DLC1: variants seen among roughly 807,000 people sequenced by gnomAD.
DLC1 encodes the protein DLC1 Rho GTPase activating protein.
DLC1 carries 54 observed loss-of-function variants against 140.3 expected under a neutral mutation model. That is an observed-to-expected ratio of 0.38 (90% CI 0.31 to 0.48). The LOEUF is 0.48. Ranked by LOEUF, DLC1 falls within the 20% of genes least tolerant of loss-of-function variation. The probability of loss-of-function intolerance (pLI) is 0.96; values close to 1 mark genes in which losing one functional copy is unlikely to be tolerated. For synonymous variants in DLC1, 986 were observed against 728.1 expected, an observed-to-expected ratio of 1.35 and a Z score of -5.70; for missense variants, 2,536 against 1,907.0, an observed-to-expected ratio of 1.33 and a Z score of -6.14.
chr8:13,572,256 A>G (rs1354792214), intron 1 of DLC1, among the ~76,000 whole-genome samples: 2 of 151,610 alleles, frequency 1.3e-5, no homozygotes, highest in Non-Finnish European at 2.9e-5. Context: ...CGCCCAGCTA[A>G]TTTTTTGTAT....
chr8:13,157,322 C>G (rs1018885703), intron 5 of DLC1, among the ~76,000 whole-genome samples: 1 of 151,986 alleles, frequency 6.6e-6, no homozygotes, highest in African/African-American at 2.4e-5. Flanking sequence ...AGAGAAAGTA[C>G]AGGAGCAAAA....
chr8:13,088,433 T>A (rs1817749314), intron 16 of DLC1, 54 bp downstream of exon 16: 1 of 1,567,232 alleles, frequency 6.4e-7, no homozygotes, highest in Admixed American at 1.7e-5. Flanking sequence ...CATATAGGCT[T>A]GGTTCATATA....
At chr8:13,154,658 C>T (rs963725520) in intron 5 of DLC1, among the ~76,000 whole-genome samples, 5 of 152,170 alleles carry the variant, frequency 3.3e-5, no homozygotes, top group Admixed American at 6.5e-5. Context: ...AGTGCAGCAG[C>T]GGGCTGAAGG....
intron 4 of DLC1, among the ~76,000 whole-genome samples, chr8:13,324,706 G>T (rs1261790857): frequency 6.6e-6 from 1 of 151,604 alleles, no homozygotes; most frequent in East Asian, 1.9e-4. Context: ...TTTTACTTAT[G>T]AAATATAAAA....
chr8:13,149,976 G>A (rs1823691363), intron 5 of DLC1, among the ~76,000 whole-genome samples: 1 of 152,200 alleles, frequency 6.6e-6, no homozygotes, highest in African/African-American at 2.4e-5. Context: ...GAAATAATAG[G>A]CGTTTCTCAA....
intron 12 of DLC1, among the ~76,000 whole-genome samples, chr8:13,094,148 C>G (rs1818309800): frequency 6.6e-6 from 1 of 152,192 alleles, no homozygotes; most frequent in Non-Finnish European, 1.5e-5. Flanking sequence ...CGTACCTGAT[C>G]TTTATCTGAC....
intron 4 of DLC1, among the ~76,000 whole-genome samples, chr8:13,362,005 G>A (rs549726130): frequency 1.4e-4 from 22 of 152,342 alleles, no homozygotes; most frequent in African/African-American, 5.3e-4. Flanking sequence ...AAATTCAAAA[G>A]TGGAGTCAAA....
chr8:13,100,979 T>A (rs1466701349), intron 8 of DLC1: 1 of 507,028 alleles, frequency 2.0e-6, no homozygotes, highest in African/African-American at 2.0e-5. Context: ...GATTCTGAAC[T>A]GCTGACCTCA....
rs540879143 is a variant in DLC1 at position 13,382,113 on chromosome 8, T to C, written c.1314+11440A>G. 3.3e-5 allele frequency among the ~76,000 whole-genome samples: 5 copies of C among 152,236 alleles called. No individual in the cohort carries two copies. In the South Asian group the frequency reaches 1.0e-3, roughly 32 times the overall value. On this transcript the variant is annotated intron_variant, in intron 4 of 17. Transcript: ENST00000276297. ...TTAGCAATATTGTTGTGTGTGGTAA[T>C]GTAGAAAGTAAAAAATGTACCTAAA...
Position 13,395,123 on chromosome 8 carries a change from TTC to T in DLC1, c.1174-1432_1174-1431del, listed in dbSNP as rs1275664682. Among the ~76,000 whole-genome samples, 4 of 11,808 alleles carry T rather than the reference TTC, an allele frequency of 3.4e-4. No homozygotes were observed. The East Asian group carries it at 0.014, about 42-fold the overall frequency. 7.7% of individuals were successfully genotyped at this position (11,808 alleles called of 152,430 possible). On this transcript the variant is annotated intron_variant, in intron 3 of 17. Coordinates refer to ENST00000276297, the MANE Select transcript of DLC1 (RefSeq NM_182643.3). ...TCTATGCATCCATCTCTCTTTATAATTCTTTTTTTTTTTTTGGAATGGAGTCT... is the reference window on the plus strand; with the variant it reads ...TCTATGCATCCATCTCTCTTTATAATTTTTTTTTTTTTTGGAATGGAGTCT...
Position 13,107,993 on chromosome 8 carries a change from C to T in DLC1, c.1502+2749G>A, listed in dbSNP as rs147872198. The stretch of plus-strand genomic sequence containing the variant: ...CTGGGAGGCGGAGGTTGCAGTGAGC[C>T]GAGATCACGCCACTGTACTCCAGCC... On this transcript the variant is annotated intron_variant, in intron 7 of 17. Transcript: ENST00000276297. Among the ~76,000 whole-genome samples the T allele has an allele frequency of 4.7e-3, 721 of 152,066 alleles. 15 individuals carry two copies. The highest frequency in any genetic ancestry group is 0.046 in the East Asian group (239 of 5,172).
intron 2 of DLC1, among the ~76,000 whole-genome samples, chr8:13,472,320 T>C (rs1585166585): frequency 6.6e-6 from 1 of 152,176 alleles, no homozygotes; most frequent in African/African-American, 2.4e-5. Context: ...GAAGGGAGTG[T>C]TGGTTCATTC....
chr8:13,292,071 A>G (rs1203374105), intron 5 of DLC1, among the ~76,000 whole-genome samples: 1 of 151,830 alleles, frequency 6.6e-6, no homozygotes, highest in Non-Finnish European at 1.5e-5. Flanking sequence ...CTTCAGGAAA[A>G]TGTCTTGATA....
At chr8:13,238,755 A>G (rs1188267) in intron 5 of DLC1, among the ~76,000 whole-genome samples, 75,318 of 151,844 alleles carry the variant, frequency 0.5, 19,088 homozygotes, top group East Asian at 0.81. Flanking sequence ...GTTACACAGT[A>G]AGCAACTGGA....
intron 14 of DLC1, 93 bp from the exon 15 acceptor site, chr8:13,090,563 C>T: frequency 6.9e-7 from 1 of 1,455,738 alleles, no homozygotes; most frequent in Non-Finnish European, 9.3e-7. Context: ...GAACAATGGC[C>T]TGGTCCTTAA....
chr8:13,120,395 CATATA>C (rs1365853443), intron 5 of DLC1, among the ~76,000 whole-genome samples: 22 of 115,586 alleles, frequency 1.9e-4, no homozygotes, highest in South Asian at 3.0e-4. Context: ...GTAACAAATA[CATATA>C]ATATATTATG....
At chr8:13,323,408 C>G (rs1406504227) in intron 4 of DLC1, among the ~76,000 whole-genome samples, 1 of 152,124 alleles carries the variant, frequency 6.6e-6, no homozygotes, top group African/African-American at 2.4e-5. Flanking sequence ...AAAATTTCTC[C>G]TGCTACAGTT....
intron 4 of DLC1, among the ~76,000 whole-genome samples, chr8:13,374,602 G>A (rs887287549): frequency 1.8e-4 from 27 of 152,178 alleles, no homozygotes; most frequent in Admixed American, 5.9e-4. Flanking sequence ...GGCCAACATG[G>A]TGAAACCCCA....
chr8:13,580,338 GCC>G (rs1227923403), intron 1 of DLC1, among the ~76,000 whole-genome samples: 1 of 152,082 alleles, frequency 6.6e-6, no homozygotes, highest in Non-Finnish European at 1.5e-5. Flanking sequence ...AGCCAGGATG[GCC>G]TCGATCGCCT....
Sources: allele counts gnomAD v4.1 joint callset (sites outside exome capture counted in the v4.1 genomes callset), GRCh38; gene constraint gnomAD v4.1.1; transcripts MANE v1.5; gene names NCBI Gene and HGNC (gene_info 2026-07-23, HGNC 2026-07-21).